Variants in SLC9A9 observed in about 807,000 individuals in gnomAD.
SLC9A9 encodes the protein solute carrier family 9 member A9, also known as sodium/hydrogen exchanger 9.
In SLC9A9, 62 loss-of-function variants were observed where a neutral mutation model predicts 77.8. The observed-to-expected ratio is 0.80, with a 90% CI of 0.65 to 0.98. The LOEUF is 0.98. Among genes scored for constraint, SLC9A9 ranks in the 50% least tolerant of loss-of-function variants. SLC9A9 has a pLI of 0.00. For missense variants in SLC9A9, 775 were observed against 774.9 expected, an observed-to-expected ratio of 1.00 and a Z score of 0.00; for synonymous variants, 320 against 283.5, an observed-to-expected ratio of 1.13 and a Z score of -1.29.
chr3:143,823,659 A>T (rs534199030), intron 2 of SLC9A9, among the ~76,000 whole-genome samples: 15 of 152,084 alleles, frequency 9.9e-5, no homozygotes, highest in South Asian at 4.1e-4. Context: ...AATAAAAAAT[A>T]AAAAAATTAA....
intron 4 of SLC9A9, among the ~76,000 whole-genome samples, chr3:143,740,972 G>A (rs1935058999): frequency 6.6e-6 from 1 of 152,180 alleles, no homozygotes; most frequent in Non-Finnish European, 1.5e-5. Context: ...ATGTAGATTA[G>A]ATTAGAGTTG....
At position 143,706,870 on chromosome 3, in the gene SLC9A9, C is replaced by G. The variant is rs561302258; in HGVS notation, c.534-13563G>C. 5.9e-4 allele frequency among the ~76,000 whole-genome samples: 90 copies of G among 152,228 alleles called. No homozygotes were observed. In the Middle Eastern group the frequency reaches 0.014, roughly 23 times the overall value. On this transcript the variant is annotated intron_variant, in intron 4 of 15. Transcript: ENST00000316549. ...GTGTTACTGTATTTTATGTATGGCT[C>G]AAGATAATCCTTCTTAGAGTGTGTC...
chr3:143,683,759 G>T (rs73868082), intron 5 of SLC9A9, among the ~76,000 whole-genome samples: 1 of 152,000 alleles, frequency 6.6e-6, no homozygotes, highest in South Asian at 2.1e-4. Context: ...AAGTATATTT[G>T]TGTTTTATTC....
rs140789957 is a variant in SLC9A9 at position 143,655,566 on chromosome 3, T to C, written c.650-3206A>G. The C allele has an allele frequency of 4.5e-5, 44 of 985,380 alleles. No individual in the cohort carries two copies. The East Asian group carries it at 4.8e-3, about 107-fold the overall frequency. 61.0% of individuals were successfully genotyped at this position (985,380 alleles called of 1,614,324 possible). On this transcript the variant is annotated intron_variant, in intron 5 of 15. Transcript: ENST00000316549. Reference sequence around the variant, plus strand: ...GGCTTGGAGTTCCTTCTCCTCTACATACCCTCTTCTTACATGATGTTGTAG... The same window carrying C: ...GGCTTGGAGTTCCTTCTCCTCTACACACCCTCTTCTTACATGATGTTGTAG...
At chr3:143,509,461 C>T (rs1372203713) in intron 9 of SLC9A9, among the ~76,000 whole-genome samples, 5 of 152,032 alleles carry the variant, frequency 3.3e-5, no homozygotes, top group African/African-American at 1.2e-4. Context: ...ATAAAGCTCC[C>T]CTCTGTAAAG....
At chr3:143,340,607 C>A (rs1473659532) in intron 14 of SLC9A9, among the ~76,000 whole-genome samples, 1 of 152,170 alleles carries the variant, frequency 6.6e-6, no homozygotes. Flanking sequence ...TCCTGGGGCT[C>A]ACTTTGGTAC....
At chr3:143,514,995 T>C (rs576235374) in intron 9 of SLC9A9, among the ~76,000 whole-genome samples, 4 of 152,352 alleles carry the variant, frequency 2.6e-5, no homozygotes, top group Admixed American at 2.6e-4. Flanking sequence ...CCTTCCTCAC[T>C]AAGCTTAATC....
intron 9 of SLC9A9, among the ~76,000 whole-genome samples, chr3:143,503,091 C>CT (rs2035952714): frequency 6.6e-6 from 1 of 152,168 alleles, no homozygotes; most frequent in South Asian, 2.1e-4. Flanking sequence ...TACGGGGACT[C>CT]TATTGATGGT....
At chr3:143,271,715 G>C (rs189929744) in intron 14 of SLC9A9, among the ~76,000 whole-genome samples, 3 of 152,294 alleles carry the variant, frequency 2.0e-5, no homozygotes, top group Admixed American at 2.0e-4. Flanking sequence ...TGGTGAGTGA[G>C]AGGTGGGTAG....
intron 4 of SLC9A9, among the ~76,000 whole-genome samples, chr3:143,780,111 G>A (rs984642998): frequency 1.3e-5 from 2 of 152,066 alleles, no homozygotes; most frequent in Non-Finnish European, 2.9e-5. Flanking sequence ...CCTTTTTGCT[G>A]CAAATTAAAA....
chr3:143,780,876 A>C (rs985752901), intron 4 of SLC9A9, among the ~76,000 whole-genome samples: 2 of 152,220 alleles, frequency 1.3e-5, no homozygotes, highest in African/African-American at 4.8e-5. Flanking sequence ...AAAGAAAGAA[A>C]TTGTGTACAA....
chr3:143,762,055 G>T (rs1260893599), intron 4 of SLC9A9, among the ~76,000 whole-genome samples: 1 of 152,120 alleles, frequency 6.6e-6, no homozygotes, highest in Non-Finnish European at 1.5e-5. Context: ...CATGAATGAA[G>T]CTGGAAACCA....
chr3:143,619,642 A>G (rs185905988), intron 6 of SLC9A9, among the ~76,000 whole-genome samples: 13 of 152,310 alleles, frequency 8.5e-5, no homozygotes, highest in Non-Finnish European at 1.9e-4. Flanking sequence ...TACCAGGACA[A>G]TAGCTTTGGG....
intron 12 of SLC9A9, among the ~76,000 whole-genome samples, chr3:143,430,786 C>T (rs1419089778): frequency 6.6e-6 from 1 of 152,206 alleles, no homozygotes; most frequent in Non-Finnish European, 1.5e-5. Context: ...GGTCACGTGA[C>T]CCAGTTGGGC....
intron 9 of SLC9A9, among the ~76,000 whole-genome samples, chr3:143,506,209 G>A (rs952323312): frequency 2.0e-5 from 3 of 152,118 alleles, no homozygotes; most frequent in Non-Finnish European, 4.4e-5. Context: ...TAAACCATAA[G>A]ACTTCAAGAG....
At chr3:143,583,970 C>T (rs1346384715) in intron 6 of SLC9A9, among the ~76,000 whole-genome samples, 1 of 151,504 alleles carries the variant, frequency 6.6e-6, no homozygotes, top group Non-Finnish European at 1.5e-5. Flanking sequence ...TCAATAAATG[C>T]TAGTAATGAA....
At chr3:143,548,363 G>A (rs1230527720) in intron 9 of SLC9A9, among the ~76,000 whole-genome samples, 2 of 152,060 alleles carry the variant, frequency 1.3e-5, no homozygotes, top group Non-Finnish European at 2.9e-5. Flanking sequence ...CATCTGAGTG[G>A]GTTCATGGGG....
intron 14 of SLC9A9, among the ~76,000 whole-genome samples, chr3:143,289,935 T>C (rs1354719793): frequency 6.6e-6 from 1 of 152,226 alleles, no homozygotes; most frequent in African/African-American, 2.4e-5. Context: ...CCCTGAGACA[T>C]GTCTCCTTCG....
At chr3:143,646,299 A>C (rs904023764) in intron 6 of SLC9A9, among the ~76,000 whole-genome samples, 2 of 148,232 alleles carry the variant, frequency 1.3e-5, no homozygotes, top group Non-Finnish European at 3.0e-5. Flanking sequence ...AAAATATATA[A>C]AATTTAATAA....
Sources: gnomAD v4.1 joint callset for allele counts (sites outside exome capture counted in the v4.1 genomes callset) on GRCh38, gnomAD v4.1.1 for gene constraint, MANE v1.5 for transcripts, NCBI Gene and HGNC (gene_info 2026-07-23, HGNC 2026-07-21) for gene names.